The following GPBP1L1 variants were observed in gnomAD, a reference collection of about 807,000 sequenced individuals.
The protein encoded by GPBP1L1 is GC-rich promoter binding protein 1 like 1.
Under a neutral mutation model 52.5 loss-of-function variants are expected in GPBP1L1, and 23 were observed. The ratio of observed to expected loss-of-function variants is 0.44; its 90% CI spans 0.32 to 0.62. GPBP1L1 has a LOEUF of 0.62. Ranked by LOEUF, GPBP1L1 falls within the 20% of genes least tolerant of loss-of-function variation. GPBP1L1 has a pLI of 0.06. For synonymous variants in GPBP1L1, 243 were observed against 203.1 expected (o/e 1.20, Z -1.67); for missense variants, 596 against 579.3 (o/e 1.03, Z -0.30).
At chr1:45,677,595 T>C (rs1645162661) in intron 2 of GPBP1L1, among the ~76,000 whole-genome samples, 1 of 147,014 alleles carries the variant, frequency 6.8e-6, no homozygotes, top group Admixed American at 6.9e-5. Context: ...AAAATCCCTG[T>C]AGTGGCTAGG....
At chr1:45,658,820 T>A in intron 4 of GPBP1L1, 1 of 537,022 alleles carries the variant, frequency 1.9e-6, no homozygotes, top group East Asian at 3.1e-5. Flanking sequence ...ACACAGCCTG[T>A]AGGCCCAGCT....
At chr1:45,630,401 C>G in intron 11 of GPBP1L1, 81 bp downstream of exon 11, 1 of 1,500,344 alleles carries the variant, frequency 6.7e-7, no homozygotes, top group Non-Finnish European at 9.1e-7. Context: ...TGGGACCTAT[C>G]TATCTGAGAT....
Position 45,634,238 on chromosome 1 carries a change from T to C in GPBP1L1, c.745-2A>G, listed in dbSNP as rs1009391211. The C allele has an allele frequency of 1.2e-6, 2 of 1,606,486 alleles. No homozygotes were observed. Among genetic ancestry groups the C allele is most frequent in the Admixed American group, 1.7e-5 (1 of 58,750 alleles). ...CCTGTTAGCTTTCCATGCATTAGGC[T>C]ACACAGGGTGAAAGAACAAATCAGT... is the stretch of plus-strand genomic sequence containing the variant. On this transcript the variant is annotated splice_acceptor_variant, in intron 8 of 12. Transcript: ENST00000355105. LOFTEE classifies it high-confidence loss of function.
At chr1:45,638,007 G>C (rs543661892) in intron 8 of GPBP1L1, among the ~76,000 whole-genome samples, 2 of 152,164 alleles carry the variant, frequency 1.3e-5, no homozygotes, top group African/African-American at 4.8e-5. Context: ...TCCATAGCCC[G>C]GCAGTTAACT....
chr1:45,651,790 C>A (rs1433955446), intron 6 of GPBP1L1: 3 of 289,810 alleles, frequency 1.0e-5, no homozygotes, highest in African/African-American at 2.2e-5. Context: ...GGGGCCAGAG[C>A]CAACTTCTTC....
Position 45,640,305 on chromosome 1 carries a change from G to T in GPBP1L1, c.649C>A (p.Pro217Thr). The T allele has an allele frequency of 6.2e-7, 1 of 1,614,018 alleles. No individual in the cohort carries two copies. Among genetic ancestry groups the T allele is most frequent in the Non-Finnish European group, 8.5e-7 (1 of 1,179,896 alleles). Residue 217 changes from proline (P) to threonine (T), a missense_variant, in exon 8 of 13, where the codon CCA becomes ACA. Physicochemically the swap from Pro to Thr is conservative, Grantham distance 38. Coordinates refer to ENST00000355105, the MANE Select transcript of GPBP1L1 (RefSeq NM_021639.5). ...TTCCCATTTGCATGGTGAGATCCTG[G>T]TGAGGTGAATGCAGCAGAGAAGGCA... ...AAAFSAAFTSPGSHHANGNKL... is the reference protein window; with the variant it reads ...AAAFSAAFTSTGSHHANGNKL...
intron 2 of GPBP1L1, among the ~76,000 whole-genome samples, chr1:45,680,732 A>T (rs1266330862): frequency 6.6e-6 from 1 of 152,020 alleles, no homozygotes; most frequent in Non-Finnish European, 1.5e-5. Context: ...CCAAATACCT[A>T]CCTAATTTGG....
intron 6 of GPBP1L1, among the ~76,000 whole-genome samples, chr1:45,644,384 C>CTTT: frequency 6.6e-6 from 1 of 152,082 alleles, no homozygotes; most frequent in East Asian, 1.9e-4. Context: ...AGTTTTAAAA[C>CTTT]TTGTAAAATA....
At chr1:45,648,749 T>C (rs1407637692) in intron 6 of GPBP1L1, among the ~76,000 whole-genome samples, 1 of 152,194 alleles carries the variant, frequency 6.6e-6, no homozygotes, top group South Asian at 2.1e-4. Context: ...ATTTCAGGGC[T>C]GAGCACAGTG....
intron 2 of GPBP1L1, among the ~76,000 whole-genome samples, chr1:45,684,846 C>G (rs1645259479): frequency 6.6e-6 from 1 of 152,082 alleles, no homozygotes; most frequent in South Asian, 2.1e-4. Flanking sequence ...CAAAAACCAA[C>G]TTTTGTATTT....
intron 6 of GPBP1L1, chr1:45,646,033 T>C (rs185783738): frequency 2.4e-5 from 12 of 505,372 alleles, no homozygotes; most frequent in Admixed American, 2.1e-4. Context: ...CCAGCTCTGT[T>C]ATCATCAATG....
intron 6 of GPBP1L1, among the ~76,000 whole-genome samples, chr1:45,650,549 T>C (rs1203028791): frequency 6.6e-6 from 1 of 152,234 alleles, no homozygotes; most frequent in Non-Finnish European, 1.5e-5. Context: ...GGACTGTTAA[T>C]TACACGAAAC....
chr1:45,628,481 A>G, intron 12 of GPBP1L1, 73 bp from the exon 13 acceptor site: 2 of 1,443,860 alleles, frequency 1.4e-6, no homozygotes, highest in Non-Finnish European at 1.9e-6. Flanking sequence ...AGCCCTGGGA[A>G]AGGCCAGGCC....
chr1:45,681,889 T>C (rs1197652167), intron 2 of GPBP1L1, among the ~76,000 whole-genome samples: 4 of 152,200 alleles, frequency 2.6e-5, no homozygotes, highest in African/African-American at 9.7e-5. Context: ...TGTGCTATGG[T>C]GGAAACTATG....
chr1:45,650,180 A>C (rs1644803426), intron 6 of GPBP1L1, among the ~76,000 whole-genome samples: 1 of 151,992 alleles, frequency 6.6e-6, no homozygotes, highest in South Asian at 2.1e-4. Context: ...CTCTCCACCA[A>C]TTTCTTACTC....
At chr1:45,636,967 A>C (rs1349128907) in intron 8 of GPBP1L1, among the ~76,000 whole-genome samples, 1 of 141,450 alleles carries the variant, frequency 7.1e-6, no homozygotes, top group Non-Finnish European at 1.6e-5. Context: ...TGTATTCTCT[A>C]TATCCCAGGA....
At chr1:45,654,361 A>T in intron 6 of GPBP1L1, 182 bp downstream of exon 6, 1 of 535,652 alleles carries the variant, frequency 1.9e-6, no homozygotes, top group Non-Finnish European at 3.1e-6. Context: ...CAAGTTACAT[A>T]GGAGTTTTGG....
chr1:45,660,059 T>C (rs1039343861), intron 3 of GPBP1L1, 125 bp downstream of exon 3: 19 of 355,278 alleles, frequency 5.3e-5, no homozygotes, highest in Admixed American at 1.3e-4. Flanking sequence ...CTGAGATCTG[T>C]TGGTGTCTTC....
At chr1:45,630,905 T>C (rs1326881055) in intron 10 of GPBP1L1, 2 of 357,106 alleles carry the variant, frequency 5.6e-6, no homozygotes, top group South Asian at 2.8e-5. Context: ...TAAAACAGTA[T>C]GGTAACAGTG....
Sources: allele counts gnomAD v4.1 joint callset (sites outside exome capture counted in the v4.1 genomes callset), GRCh38; gene constraint gnomAD v4.1.1; transcripts MANE v1.5; gene names NCBI Gene and HGNC (gene_info 2026-07-23, HGNC 2026-07-21).